Variants in YPEL2 observed in about 807,000 individuals in gnomAD.
The protein encoded by YPEL2 is protein yippee-like 2.
In YPEL2, 2 loss-of-function variants were observed where a neutral mutation model predicts 19.1. That is an observed-to-expected ratio of 0.10 (90% confidence interval 0.04 to 0.33). YPEL2 has a LOEUF of 0.33. Ranked by LOEUF, YPEL2 falls within the 10% of genes least tolerant of loss-of-function variation. The pLI, the probability that YPEL2 is intolerant of heterozygous loss-of-function variation, is 1.00. For missense variants in YPEL2, 66 were observed against 140.7 expected (o/e 0.47, Z 2.68); for synonymous variants, 52 against 50.0 (o/e 1.04, Z -0.17).
intron 2 of YPEL2, chr17:59,366,166 T>G (rs563416972): frequency 3.3e-5 from 5 of 152,988 alleles, no homozygotes; most frequent in South Asian, 4.1e-4. Context: ...AAGTGTTTCC[T>G]CACCAAAACA....
In YPEL2 at chr17:59,376,949, C is replaced by CAA. The variant is rs59030676; in HGVS notation, c.118-11353_118-11352dup. Among the ~76,000 whole-genome samples, 84 of 48,526 alleles carry CAA rather than the reference C, an allele frequency of 1.7e-3. 1 individual carries two copies. Among genetic ancestry groups the CAA allele is most frequent in the East Asian group, 0.011 (20 of 1,810 alleles). 31.8% of individuals were successfully genotyped at this position (48,526 alleles called of 152,430 possible). A position where few individuals can be genotyped will look rare whatever the true frequency, so the allele number is the denominator to read the frequency against. Reference sequence around the variant, plus strand: ...GAGTGACAAGAGCAACACACTGTCTCAAAAAAAAAAAAAAAAAAAAAAAAA... The same window carrying CAA: ...GAGTGACAAGAGCAACACACTGTCTCAAAAAAAAAAAAAAAAAAAAAAAAAAA... On this transcript the variant is annotated intron_variant, in intron 2 of 4. Coordinates refer to ENST00000312655, the MANE Select transcript of YPEL2 (RefSeq NM_001005404.4).
At chr17:59,387,594 C>T (rs985283502) in intron 2 of YPEL2, among the ~76,000 whole-genome samples, 6 of 152,148 alleles carry the variant, frequency 3.9e-5, no homozygotes, top group Non-Finnish European at 7.3e-5. Flanking sequence ...TGGAAGCAGA[C>T]GCCAGATTGC....
chr17:59,393,079 C>T (rs569733864), intron 4 of YPEL2, among the ~76,000 whole-genome samples: 2 of 152,288 alleles, frequency 1.3e-5, no homozygotes, highest in African/African-American at 4.8e-5. Context: ...AGGTCTAGTG[C>T]ACTTTCCATT....
intron 2 of YPEL2, among the ~76,000 whole-genome samples, chr17:59,376,279 G>A (rs1365240328): frequency 6.6e-6 from 1 of 152,158 alleles, no homozygotes; most frequent in Non-Finnish European, 1.5e-5. Context: ...GCATGCAATA[G>A]CGTGATCTGG....
At chr17:59,397,069 C>T (rs564497080) in intron 4 of YPEL2, 32 bp from the exon 5 acceptor site, 2 of 1,532,714 alleles carry the variant, frequency 1.3e-6, no homozygotes, top group South Asian at 1.2e-5. Context: ...TTTGGTCGTT[C>T]AGTATCTCTT....
chr17:59,361,122 G>A (rs866870399), intron 2 of YPEL2, among the ~76,000 whole-genome samples: 1 of 152,204 alleles, frequency 6.6e-6, no homozygotes, highest in Non-Finnish European at 1.5e-5. Context: ...GTGAGCCACC[G>A]CACGCAGCTT....
At chr17:59,347,687 T>A (rs983436980) in intron 1 of YPEL2, among the ~76,000 whole-genome samples, 1 of 152,180 alleles carries the variant, frequency 6.6e-6, no homozygotes, top group Admixed American at 6.5e-5. Context: ...TCCAATATTA[T>A]TGCCGCCTTG....
chr17:59,393,523 TTTA>T, intron 4 of YPEL2, among the ~76,000 whole-genome samples: 1 of 150,386 alleles, frequency 6.6e-6, no homozygotes, highest in South Asian at 2.1e-4. Context: ...TATTTATTTA[TTTA>T]TTTTTTATTG....
chr17:59,384,429 A>G (rs1423376338), intron 2 of YPEL2, among the ~76,000 whole-genome samples: 1 of 152,188 alleles, frequency 6.6e-6, no homozygotes, highest in Admixed American at 6.5e-5. Flanking sequence ...AGACCCTGCT[A>G]TTTAAAATCG....
chr17:59,335,586 T>C (rs919209321), intron 1 of YPEL2, among the ~76,000 whole-genome samples: 2 of 152,168 alleles, frequency 1.3e-5, no homozygotes, highest in South Asian at 2.1e-4. Flanking sequence ...AGGGTCTTGC[T>C]CTTGCCCAGG....
At chr17:59,349,122 C>T (rs911489613) in intron 1 of YPEL2, among the ~76,000 whole-genome samples, 2 of 137,584 alleles carry the variant, frequency 1.5e-5, no homozygotes. Flanking sequence ...TGCAGTGAGC[C>T]GAGATGGCGC....
chr17:59,376,965 A>C (rs935418360), intron 2 of YPEL2, among the ~76,000 whole-genome samples: 9 of 149,584 alleles, frequency 6.0e-5, no homozygotes, highest in East Asian at 3.9e-4. Flanking sequence ...AAAAAAAAAA[A>C]AAAAAAAAAA....
rs2047690942 is a variant in YPEL2 at position 59,334,771 on chromosome 17, A to G, written c.-196+2947A>G. Among the ~76,000 whole-genome samples, 4 of 152,346 alleles carry G rather than the reference A, an allele frequency of 2.6e-5. No homozygotes were observed. In the South Asian group the frequency reaches 8.3e-4, roughly 32 times the overall value. ...GCCCTTCTTGCTAAAGGTGTGCCTT[A>G]TGGGAGCATCAAGCGTGGGATTTTA... is the stretch of plus-strand genomic sequence containing the variant. On this transcript the variant is annotated intron_variant, in intron 1 of 4. Transcript: ENST00000312655.
chr17:59,351,270 G>A (rs896760871), intron 1 of YPEL2, among the ~76,000 whole-genome samples: 46 of 152,232 alleles, frequency 3.0e-4, no homozygotes, highest in African/African-American at 1.0e-3. Context: ...AGGTACATGG[G>A]AGGCTAAGGC....
Position 59,353,488 on chromosome 17 carries a change from A to G in YPEL2, c.79A>G (p.Arg27Gly). The G allele has an allele frequency of 2.5e-6, 4 of 1,614,176 alleles. No individual in the cohort carries two copies. Among genetic ancestry groups the G allele is most frequent in the Non-Finnish European group, 3.4e-6 (4 of 1,180,004 alleles). ...CHRTYSCIHC[R>G]AHLANHDELI... ...CCGGACCTACAGCTGCATTCACTGCAGAGCTCACTTGGCCAATCATGATGA... is the reference window on the plus strand; with the variant it reads ...CCGGACCTACAGCTGCATTCACTGCGGAGCTCACTTGGCCAATCATGATGA... Residue 27 changes from arginine (R) to glycine (G), a missense_variant, in exon 2 of 5, where the codon AGA becomes GGA. Transcript: ENST00000312655. The surrounding 1 kb of genome is among the most constrained non-coding windows in gnomAD (Gnocchi z 4.8).
intron 2 of YPEL2, among the ~76,000 whole-genome samples, chr17:59,361,749 G>A (rs781345929): frequency 1.3e-5 from 2 of 152,162 alleles, no homozygotes; most frequent in East Asian, 3.8e-4. Flanking sequence ...CAAAGATACT[G>A]TTGGTTAAAA....
Position 59,400,304 on chromosome 17 carries a change from G to T in YPEL2, c.*3114G>T, listed in dbSNP as rs954710801. On this transcript the variant is annotated 3_prime_UTR_variant, in exon 5 of 5. Transcript: ENST00000312655. The stretch of plus-strand genomic sequence containing the variant: ...GATTTTCAAGTGGATATATATAAAA[G>T]AAACAGTTGCTTGTAAAATATACTT... 1.3e-5 allele frequency: 2 copies of T among 152,534 alleles called. No individual in the cohort carries two copies. Among genetic ancestry groups the T allele is most frequent in the African/African-American group, 2.4e-5 (1 of 41,426 alleles). 9.4% of individuals were successfully genotyped at this position (152,534 alleles called of 1,614,324 possible).
At chr17:59,377,365 T>C (rs2047927342) in intron 2 of YPEL2, among the ~76,000 whole-genome samples, 1 of 152,240 alleles carries the variant, frequency 6.6e-6, no homozygotes, top group South Asian at 2.1e-4. Flanking sequence ...ATATTTGAAC[T>C]GCAGAGGGCC....
chr17:59,366,748 G>A (rs1026558718), intron 2 of YPEL2, among the ~76,000 whole-genome samples: 3 of 152,216 alleles, frequency 2.0e-5, no homozygotes, highest in Admixed American at 1.3e-4. Flanking sequence ...GGCCGTTAAG[G>A]TTCATGCCAG....
Sources: allele counts gnomAD v4.1 joint callset (sites outside exome capture counted in the v4.1 genomes callset), GRCh38; gene constraint gnomAD v4.1.1; non-coding constraint Gnocchi (gnomAD v3.1); transcripts MANE v1.5; gene names NCBI Gene and HGNC (gene_info 2026-07-23, HGNC 2026-07-21).